Variants in CRAMP1 observed in about 807,000 individuals in gnomAD.
CRAMP1 encodes cramped chromatin regulator 1.
CRAMP1 carries 50 observed loss-of-function variants against 115.4 expected under a neutral mutation model. The observed-to-expected ratio is 0.43, with a 90% confidence interval of 0.35 to 0.55. CRAMP1 has a LOEUF of 0.55. CRAMP1 is among the 20% of genes least tolerant of loss of function. The probability of loss-of-function intolerance (pLI) is 0.01; values close to 1 mark genes in which losing one functional copy is unlikely to be tolerated. For missense variants in CRAMP1, 1,679 were observed against 1,721.7 expected, an observed-to-expected ratio of 0.98 and a Z score of 0.44; for synonymous variants, 866 against 745.4, an observed-to-expected ratio of 1.16 and a Z score of -2.64.
rs759056569 is a variant in CRAMP1, at chr16:1,667,394, T to C, written c.3096T>C (p.Ser1032=). ...CTGAGCAGGAGCCAGTGGCAGACAG[T>C]TTCCAGGTAGAGTGTGCTCTTGGGC... The part of the protein sequence containing the change: ...SRPEQEPVAD[S]FQGSSVLSLS... Residue 1032 remains serine, a synonymous_variant, in exon 17 of 21, where the codon AGT becomes AGC. Transcript: ENST00000397412. 3.1e-6 allele frequency: 5 copies of C among 1,612,392 alleles called. No homozygotes were observed. The highest frequency in any genetic ancestry group is 1.7e-5 in the Admixed American group (1 of 60,012).
intron 6 of CRAMP1, among the ~76,000 whole-genome samples, chr16:1,644,554 A>C (rs2036657973): frequency 6.6e-6 from 1 of 152,160 alleles, no homozygotes. Flanking sequence ...AGACATGGCA[A>C]CTGGCAGGAA....
intron 6 of CRAMP1, among the ~76,000 whole-genome samples, chr16:1,647,721 C>T (rs2036687906): frequency 6.9e-6 from 1 of 145,566 alleles, no homozygotes; most frequent in Admixed American, 7.0e-5. Flanking sequence ...TGCACTCCAG[C>T]CTGGGCGACA....
At position 1,612,588 on chromosome 16, in the gene CRAMP1, C is replaced by T. The variant is rs2036360965; in HGVS notation, c.-71C>T. ...GCGCTCGGGGGCCGGGGCTGCCCGG[C>T]CCGGCTGGTTCTGCGGGCACCCGGG... On this transcript the variant is annotated 5_prime_UTR_variant, in exon 1 of 21. Coordinates refer to ENST00000397412, the MANE Select transcript of CRAMP1 (RefSeq NM_020825.4). Among the ~76,000 whole-genome samples the T allele has an allele frequency of 6.6e-6, 1 of 151,898 alleles. No individual in the cohort carries two copies. Among genetic ancestry groups the T allele is most frequent in the African/African-American group, 2.4e-5 (1 of 41,390 alleles).
intron 7 of CRAMP1, among the ~76,000 whole-genome samples, chr16:1,652,822 C>CT (rs896197365): frequency 6.6e-6 from 1 of 152,188 alleles, no homozygotes; most frequent in African/African-American, 2.4e-5. Flanking sequence ...ATCGAGTCTC[C>CT]TATGGCCTCT....
chr16:1,645,399 G>A (rs1214064342), intron 6 of CRAMP1: 3 of 215,010 alleles, frequency 1.4e-5, no homozygotes, highest in Non-Finnish European at 3.1e-5. Context: ...TGTTGGCCAG[G>A]CTGGTCTTGA....
At chr16:1,653,587 T>C (rs2036742561) in intron 8 of CRAMP1, among the ~76,000 whole-genome samples, 1 of 152,108 alleles carries the variant, frequency 6.6e-6, no homozygotes, top group Non-Finnish European at 1.5e-5. Context: ...CCCAGCGCTT[T>C]GGGAGGCCAG....
At chr16:1,616,547 G>A (rs190709061) in intron 2 of CRAMP1, among the ~76,000 whole-genome samples, 1 of 152,310 alleles carries the variant, frequency 6.6e-6, no homozygotes, top group Non-Finnish European at 1.5e-5. Flanking sequence ...CTGCTGAGAC[G>A]TTAGTGATCA....
At chr16:1,622,328 C>G (rs1000555356) in intron 2 of CRAMP1, among the ~76,000 whole-genome samples, 5 of 152,214 alleles carry the variant, frequency 3.3e-5, no homozygotes, top group Non-Finnish European at 7.3e-5. Flanking sequence ...GCCTGAGCAA[C>G]ATGGTGAAAC....
intron 19 of CRAMP1, among the ~76,000 whole-genome samples, chr16:1,670,268 A>C (rs2036910715): frequency 6.6e-6 from 1 of 151,682 alleles, no homozygotes; most frequent in Non-Finnish European, 1.5e-5. Context: ...CCTTTAAAAA[A>C]AATTAAAAGC....
chr16:1,631,231 A>G (rs1294000470), intron 3 of CRAMP1, among the ~76,000 whole-genome samples: 1 of 152,156 alleles, frequency 6.6e-6, no homozygotes, highest in Non-Finnish European at 1.5e-5. Context: ...ACCTACACCC[A>G]TGTAGACTCA....
At chr16:1,667,809 C>T (rs933483510) in intron 17 of CRAMP1, among the ~76,000 whole-genome samples, 153 bp from the exon 18 acceptor site, 9 of 152,180 alleles carry the variant, frequency 5.9e-5, no homozygotes, top group South Asian at 2.1e-4. Flanking sequence ...ATAAATTCCC[C>T]GAGTGTGTTC....
chr16:1,621,146 C>T (rs1244437937), intron 2 of CRAMP1, among the ~76,000 whole-genome samples: 1 of 152,154 alleles, frequency 6.6e-6, no homozygotes, highest in Non-Finnish European at 1.5e-5. Flanking sequence ...TCAGCTTCCC[C>T]AGTTGAAAGA....
chr16:1,622,385 C>T (rs1325131406), intron 2 of CRAMP1, among the ~76,000 whole-genome samples: 4 of 152,130 alleles, frequency 2.6e-5, no homozygotes, highest in Non-Finnish European at 5.9e-5. Context: ...TGGTGGTGTG[C>T]ACCCATAATC....
intron 8 of CRAMP1, 25 bp downstream of exon 8, chr16:1,653,181 G>A: frequency 6.2e-7 from 1 of 1,600,018 alleles, no homozygotes; most frequent in Non-Finnish European, 8.5e-7. Flanking sequence ...GGCACGCAGA[G>A]GGGTCCCAAC....
chr16:1,656,118 A>G lies in CRAMP1; in HGVS notation c.1361A>G (p.Gln454Arg). 3.1e-6 allele frequency: 5 copies of G among 1,609,294 alleles called. No homozygotes were observed. The highest frequency in any genetic ancestry group is 4.2e-6 in the Non-Finnish European group (5 of 1,178,564). The change falls in exon 10 of 21, where the codon CAG becomes CGG. Residue 454 changes from glutamine (Q) to arginine (R), a missense_variant. This residue lies in a region of CRAMP1 where 191 missense variants were observed against 236.2 expected (regional missense o/e 0.81). Transcript: ENST00000397412. The surrounding 1 kb of genome is among the most constrained non-coding windows in gnomAD (Gnocchi z 5.6). The part of the protein sequence containing the change: ...PAQILGIQSG[Q>R]GTARGQVKCP... ...CAGATCCTGGGCATCCAGAGTGGGCAGGGCACGGCCCGGGGCCAGGTGAAA... is the reference window on the plus strand; with the variant it reads ...CAGATCCTGGGCATCCAGAGTGGGCGGGGCACGGCCCGGGGCCAGGTGAAA...
chr16:1,671,567 G>C lies in CRAMP1; in HGVS notation c.3645+758G>C, dbSNP rs1465946076. Among the ~76,000 whole-genome samples, 8 of 152,164 alleles carry C rather than the reference G, an allele frequency of 5.3e-5. No individual in the cohort carries two copies. The highest frequency in any genetic ancestry group is 2.4e-5 in the African/African-American group (1 of 41,442). On this transcript the variant is annotated intron_variant, in intron 20 of 20. Coordinates refer to ENST00000397412, the MANE Select transcript of CRAMP1 (RefSeq NM_020825.4). The surrounding 1 kb of genome is among the most constrained non-coding windows in gnomAD (Gnocchi z 5.0). ...GGCAGGTGTGTGGGCAGTCGGGTGA[G>C]GGCTCTATGGACAGGGAGGGAACTC...
chr16:1,642,342 A>G (rs987532706), intron 6 of CRAMP1, among the ~76,000 whole-genome samples: 1 of 152,200 alleles, frequency 6.6e-6, no homozygotes, highest in African/African-American at 2.4e-5. Flanking sequence ...CTCCAGTCCC[A>G]GCACAGCAGG....
chr16:1,622,311 G>A (rs369215790), intron 2 of CRAMP1, among the ~76,000 whole-genome samples: 1 of 152,310 alleles, frequency 6.6e-6, no homozygotes, highest in South Asian at 2.1e-4. Flanking sequence ...TCAGGAGCTC[G>A]TGACCAGCCT....
intron 10 of CRAMP1, among the ~76,000 whole-genome samples, 163 bp from the exon 11 acceptor site, chr16:1,659,723 A>AC (rs1211264999): frequency 3.3e-5 from 5 of 151,864 alleles, no homozygotes; most frequent in African/African-American, 1.2e-4. Flanking sequence ...CTGCCAAGCG[A>AC]CTCTGGGGAC....
Sources: allele counts gnomAD v4.1 joint callset (sites outside exome capture counted in the v4.1 genomes callset), GRCh38; gene constraint gnomAD v4.1.1; regional missense constraint gnomAD v4.1.1; non-coding constraint Gnocchi (gnomAD v3.1); transcripts MANE v1.5; gene names NCBI Gene and HGNC (gene_info 2026-07-23, HGNC 2026-07-21).